The following TFDP1 variants were observed in gnomAD, a reference collection of about 807,000 sequenced individuals.
The protein encoded by TFDP1 is transcription factor Dp-1, also known as DRTF1-polypeptide 1.
TFDP1 carries 6 observed loss-of-function variants against 48.0 expected under a neutral mutation model. That is an observed-to-expected ratio of 0.13 (90% CI 0.07 to 0.25). TFDP1 has a LOEUF of 0.25. TFDP1 is among the 10% of genes least tolerant of loss of function. The pLI is 1.00. For missense variants in TFDP1, 335 were observed against 543.0 expected (o/e 0.62, Z 3.81); for synonymous variants, 201 against 211.6 (o/e 0.95, Z 0.44).
Position 113,623,398 on chromosome 13 carries a change from G to A in TFDP1, c.186+112G>A, listed in dbSNP as rs764188821. 8.2e-6 allele frequency: 8 copies of A among 980,474 alleles called. No individual in the cohort carries two copies. The highest frequency in any genetic ancestry group is 1.2e-5 in the Non-Finnish European group (8 of 657,726). The allele number at this position is 980,474 out of a possible 1,614,324, so 60.7% of individuals were successfully genotyped here. On this transcript the variant is annotated intron_variant, in intron 4 of 11. Transcript: ENST00000375370. This position sits in a 1 kb window ranked among gnomAD's most constrained non-coding sequence, Gnocchi z 5.2. ...TGCCTGGATTTGGGCTCCAGTTGCA[G>A]CATGGGGCCTTTCCCTCATCAGGGA...
At chr13:113,624,422 G>C (rs117416612) in intron 4 of TFDP1, among the ~76,000 whole-genome samples, 1 of 150,354 alleles carries the variant, frequency 6.7e-6, no homozygotes, top group African/African-American at 2.5e-5. Context: ...GTGTCCTCAC[G>C]TGTCTCTCAG....
intron 2 of TFDP1, among the ~76,000 whole-genome samples, chr13:113,589,906 C>T (rs2048098809): frequency 6.6e-6 from 1 of 152,230 alleles, no homozygotes; most frequent in Non-Finnish European, 1.5e-5. Flanking sequence ...TCTCCCCTCC[C>T]TACCTCGGAA....
At chr13:113,602,987 C>CAT (rs2048478124) in intron 2 of TFDP1, among the ~76,000 whole-genome samples, 2 of 89,616 alleles carry the variant, frequency 2.2e-5, no homozygotes, top group African/African-American at 1.2e-4. Flanking sequence ...AAAAAAAAAA[C>CAT]GTATAATTTA....
chr13:113,608,996 C>G (rs1304044823), intron 2 of TFDP1, among the ~76,000 whole-genome samples: 1 of 152,268 alleles, frequency 6.6e-6, no homozygotes, highest in East Asian at 1.9e-4. Flanking sequence ...CTGTAACACA[C>G]TAATGGGTGC....
chr13:113,615,908 T>C (rs2048845054), intron 3 of TFDP1, among the ~76,000 whole-genome samples: 2 of 151,996 alleles, frequency 1.3e-5, no homozygotes, highest in Non-Finnish European at 2.9e-5. Context: ...CCAGACCCTG[T>C]CTCAAAATGA....
rs558837857 is a variant in TFDP1, at chr13:113,636,230, A to G, written c.839+102A>G. ...AGGACAAGTTTTAAATGTTGTACAA[A>G]TAGCAAATGTTGCACAAATTGCTGT... On this transcript the variant is annotated intron_variant, in intron 9 of 11. Transcript: ENST00000375370. The G allele has an allele frequency of 3.6e-5, 52 of 1,449,798 alleles. No individual in the cohort carries two copies. In the East Asian group the frequency reaches 1.1e-3, roughly 31 times the overall value. 89.8% of individuals were successfully genotyped at this position (1,449,798 alleles called of 1,614,324 possible).
intron 4 of TFDP1, 67 bp from the exon 5 acceptor site, chr13:113,631,556 T>C: frequency 1.3e-6 from 2 of 1,551,598 alleles, no homozygotes; most frequent in Non-Finnish European, 1.7e-6. Flanking sequence ...AGCGAACAGA[T>C]GGTGGGCATG....
chr13:113,602,680 A>T (rs987154782), intron 2 of TFDP1, among the ~76,000 whole-genome samples: 1 of 152,164 alleles, frequency 6.6e-6, no homozygotes, highest in Non-Finnish European at 1.5e-5. Flanking sequence ...GGCAGAGTTG[A>T]GTGGCTGTGA....
At chr13:113,631,786 T>G in intron 5 of TFDP1, 42 bp downstream of exon 5, 1 of 1,607,050 alleles carries the variant, frequency 6.2e-7, no homozygotes, top group Non-Finnish European at 8.5e-7. Context: ...TAGGACTGCT[T>G]GCGGTTCGCA....
At chr13:113,632,175 T>C (rs576998024) in intron 5 of TFDP1, among the ~76,000 whole-genome samples, 5 of 152,234 alleles carry the variant, frequency 3.3e-5, no homozygotes, top group African/African-American at 9.6e-5. Flanking sequence ...CCGCCAGAGC[T>C]GCTCCTTCCA....
intron 7 of TFDP1, 117 bp downstream of exon 7, chr13:113,634,150 G>C (rs766898737): frequency 1.4e-6 from 2 of 1,447,978 alleles, no homozygotes; most frequent in Non-Finnish European, 1.9e-6. Flanking sequence ...GTGTCCGGCT[G>C]GCAGACGGTC....
chr13:113,619,254 C>A (rs1419664893), intron 3 of TFDP1, among the ~76,000 whole-genome samples: 2 of 152,152 alleles, frequency 1.3e-5, no homozygotes, highest in African/African-American at 4.8e-5. Context: ...AGGCGGATCA[C>A]CAGAGGTCAG....
rs1311026964 is a variant in TFDP1 at position 113,631,645 on chromosome 13, C to T, written c.209C>T (p.Pro70Leu). 5.6e-6 allele frequency: 9 copies of T among 1,613,966 alleles called. No individual in the cohort carries two copies. Among genetic ancestry groups the T allele is most frequent in the Middle Eastern group, 1.6e-4 (1 of 6,076 alleles). The change falls in exon 5 of 12, where the codon CCG becomes CTG. Residue 70 changes from proline (P) to leucine (L), a missense_variant. Around this residue, in one of 3 missense-constraint regions of TFDP1, gnomAD observed 103 missense variants for 140.4 expected, o/e 0.73. Coordinates refer to ENST00000375370, the MANE Select transcript of TFDP1 (RefSeq NM_007111.5). The stretch of plus-strand genomic sequence containing the variant: ...TAGGTAATTGGTACGCCTCAGAGAC[C>T]GGCAGCGTCAAACACCCTGGTGGTA... Reference protein sequence around the residue: ...QQVVIGTPQRPAASNTLVVGS... With the variant: ...QQVVIGTPQRLAASNTLVVGS...
In TFDP1 at chr13:113,623,309, C is replaced by A; in HGVS notation, c.186+23C>A. 6.3e-7 allele frequency: 1 copy of A among 1,586,496 alleles called. No individual in the cohort carries two copies. ...GTGGTAAGCCTCCCGCAGGAGCGGA[C>A]AGCCGGGATCTCGGTGTGAGGTCGG... On this transcript the variant is annotated intron_variant, in intron 4 of 11. Transcript: ENST00000375370. This position sits in a 1 kb window ranked among gnomAD's most constrained non-coding sequence, Gnocchi z 5.2.
chr13:113,603,264 C>T (rs917150639), intron 2 of TFDP1, among the ~76,000 whole-genome samples: 5 of 152,220 alleles, frequency 3.3e-5, no homozygotes, highest in Non-Finnish European at 7.3e-5. Context: ...CCTCTTCATG[C>T]CCTCGCACCC....
intron 4 of TFDP1, among the ~76,000 whole-genome samples, chr13:113,628,315 A>C (rs1379076688): frequency 2.0e-5 from 3 of 149,152 alleles, no homozygotes; most frequent in Admixed American, 6.6e-5. Context: ...GGAGCCATGT[A>C]GACTGTGTCT....
chr13:113,625,735 ACGTGTCCTCAG>A, intron 4 of TFDP1, among the ~76,000 whole-genome samples: 1 of 44,810 alleles, frequency 2.2e-5, no homozygotes, highest in Non-Finnish European at 4.2e-5. Context: ...GGCGTCTCTC[ACGTGTCCTCAG>A]GCGTCTCTCA....
At position 113,634,815 on chromosome 13, in the gene TFDP1, G is replaced by A. The variant is rs555274339; in HGVS notation, c.687+213G>A. On this transcript the variant is annotated intron_variant, in intron 8 of 11. Transcript: ENST00000375370. ...TGCGTGTGCATGCATGTGTGTGTGC[G>A]TGCATGCATGCATGTGTGTGTGTGT... Among the ~76,000 whole-genome samples the A allele has an allele frequency of 3.6e-3, 534 of 150,090 alleles. 1 individual carries two copies. Among genetic ancestry groups the A allele is most frequent in the Non-Finnish European group, 5.4e-3 (365 of 67,792 alleles).
At chr13:113,621,805 ACT>A (rs1228249522) in intron 3 of TFDP1, among the ~76,000 whole-genome samples, 3 of 151,806 alleles carry the variant, frequency 2.0e-5, no homozygotes, top group African/African-American at 7.3e-5. Context: ...TTTAGAGAAG[ACT>A]CTGTTCCTCC....
Sources: gnomAD v4.1 joint callset for allele counts (sites outside exome capture counted in the v4.1 genomes callset) on GRCh38, gnomAD v4.1.1 for gene constraint, gnomAD v4.1.1 regional missense constraint, Gnocchi (gnomAD v3.1) non-coding constraint, MANE v1.5 for transcripts, NCBI Gene and HGNC (gene_info 2026-07-23, HGNC 2026-07-21) for gene names.